DLGAP2: variants seen among roughly 807,000 people sequenced by gnomAD.
DLGAP2 encodes DLG associated protein 2, also known as disks large-associated protein 2.
DLGAP2 carries 26 observed loss-of-function variants against 100.3 expected under a neutral mutation model. The observed-to-expected ratio is 0.26, with a 90% CI of 0.19 to 0.36. The LOEUF is 0.36. Ranked by LOEUF, DLGAP2 falls within the 10% of genes least tolerant of loss-of-function variation. The pLI is 1.00. For synonymous variants in DLGAP2, 886 were observed against 630.1 expected (o/e 1.41, Z -6.08); for missense variants, 1,858 against 1,453.2 (o/e 1.28, Z -4.53).
chr8:1,563,922 G>T (rs139095560), intron 5 of DLGAP2, among the ~76,000 whole-genome samples: 14 of 152,216 alleles, frequency 9.2e-5, no homozygotes, highest in Non-Finnish European at 1.9e-4. Context: ...CAGTAGCTAA[G>T]TATTTTACAG....
chr8:876,056 C>T (rs151315972), intron 1 of DLGAP2, among the ~76,000 whole-genome samples: 2 of 152,136 alleles, frequency 1.3e-5, no homozygotes, highest in Non-Finnish European at 2.9e-5. Context: ...TCCACTAACC[C>T]TCTTCGTGCT....
chr8:1,013,557 G>A (rs993348483), intron 2 of DLGAP2, among the ~76,000 whole-genome samples: 13 of 152,158 alleles, frequency 8.5e-5, no homozygotes, highest in Non-Finnish European at 1.6e-4. Context: ...GAGGTCTCCA[G>A]ACAGCACTAG....
At chr8:1,115,766 C>A (rs1465486609) in intron 2 of DLGAP2, among the ~76,000 whole-genome samples, 2 of 152,182 alleles carry the variant, frequency 1.3e-5, no homozygotes, top group Admixed American at 6.5e-5. Flanking sequence ...CATCAGCGGT[C>A]AGCCACACTC....
At chr8:1,039,876 GCA>G (rs2129030036) in intron 2 of DLGAP2, among the ~76,000 whole-genome samples, 1 of 145,344 alleles carries the variant, frequency 6.9e-6, no homozygotes. Flanking sequence ...GGCTCATTGT[GCA>G]TGGTCGGCTC....
Position 1,040,248 on chromosome 8 carries a change from C to A in DLGAP2, c.73+132282C>A, listed in dbSNP as rs371469139. Among the ~76,000 whole-genome samples the A allele has an allele frequency of 5.5e-4, 76 of 138,340 alleles. 1 individual carries two copies. Among genetic ancestry groups the A allele is most frequent in the African/African-American group, 1.9e-3 (75 of 38,978 alleles). The allele number at this position is 138,340 out of a possible 152,430, so 90.8% of individuals were successfully genotyped here. The stretch of plus-strand genomic sequence containing the variant: ...GTCGGCTCGGTTTCTGTGGTCAGCT[C>A]GGTTTCCATGGTCAGCTCGGTGTGC... On this transcript the variant is annotated intron_variant, in intron 2 of 14. Coordinates refer to ENST00000637795, the MANE Select transcript of DLGAP2 (RefSeq NM_001346810.2).
In DLGAP2 at chr8:993,675, G is replaced by A. The variant is rs906214741; in HGVS notation, c.73+85709G>A. Among the ~76,000 whole-genome samples, 3 of 152,076 alleles carry A rather than the reference G, an allele frequency of 2.0e-5. No individual in the cohort carries two copies. The South Asian group carries it at 6.2e-4, about 32-fold the overall frequency. ...TGGGCGATTCTGCCATTTAGCCTGA[G>A]AGGACGTCAGTACACTCGTGCCTCT... On this transcript the variant is annotated intron_variant, in intron 2 of 14. Transcript: ENST00000637795.
chr8:981,225 A>G (rs1321880312), intron 2 of DLGAP2, among the ~76,000 whole-genome samples: 2 of 152,108 alleles, frequency 1.3e-5, no homozygotes, highest in South Asian at 4.1e-4. Flanking sequence ...TCCAAGGCTC[A>G]TCTGGGTTGT....
At chr8:738,009 C>G in intron 1 of DLGAP2, 184 bp downstream of exon 1, 1 of 317,934 alleles carries the variant, frequency 3.1e-6, no homozygotes, top group Non-Finnish European at 5.7e-6. Flanking sequence ...ACAGCCTGTG[C>G]TCGGGGGTCG....
intron 4 of DLGAP2, among the ~76,000 whole-genome samples, chr8:1,537,311 G>A (rs1009704033): frequency 6.6e-6 from 1 of 152,200 alleles, no homozygotes. Context: ...AGTTGTGTGT[G>A]CCTGTGTGTG....
intron 3 of DLGAP2, among the ~76,000 whole-genome samples, chr8:1,344,895 A>C (rs10093402): frequency 0.42 from 63,747 of 152,012 alleles, 14,231 homozygotes; most frequent in East Asian, 0.62. Context: ...TCCTGGACCG[A>C]AATATTCCAC....
At chr8:1,616,673 A>G (rs554637043) in intron 6 of DLGAP2, among the ~76,000 whole-genome samples, 1 of 152,346 alleles carries the variant, frequency 6.6e-6, no homozygotes, top group East Asian at 1.9e-4. Context: ...CAAAATAAAG[A>G]CTTTTCAAAC....
At chr8:1,326,644 C>T (rs117783437) in intron 3 of DLGAP2, among the ~76,000 whole-genome samples, 241 of 152,318 alleles carry the variant, frequency 1.6e-3, no homozygotes, top group Admixed American at 2.8e-3. Flanking sequence ...CAGGACACGG[C>T]GAGCTCTTAG....
chr8:1,558,440 G>T (rs1318063043), intron 5 of DLGAP2, among the ~76,000 whole-genome samples: 1 of 152,178 alleles, frequency 6.6e-6, no homozygotes, highest in Non-Finnish European at 1.5e-5. Context: ...GGAAGCGTGG[G>T]CAGGAGCCTT....
chr8:1,311,862 T>C (rs1800621928), intron 3 of DLGAP2, among the ~76,000 whole-genome samples: 1 of 152,218 alleles, frequency 6.6e-6, no homozygotes, highest in Non-Finnish European at 1.5e-5. Flanking sequence ...CAATCCTTAA[T>C]GTATATGCAC....
intron 3 of DLGAP2, among the ~76,000 whole-genome samples, chr8:1,424,169 C>G (rs1456870242): frequency 1.3e-5 from 2 of 152,240 alleles, no homozygotes; most frequent in Admixed American, 6.5e-5. Flanking sequence ...AGCTATTTCT[C>G]TCTTTCACGC....
chr8:960,704 A>G (rs1799705413), intron 2 of DLGAP2, among the ~76,000 whole-genome samples: 1 of 152,248 alleles, frequency 6.6e-6, no homozygotes, highest in African/African-American at 2.4e-5. Context: ...TAATTTACAG[A>G]TGCTCCTCGA....
intron 10 of DLGAP2, among the ~76,000 whole-genome samples, chr8:1,671,504 G>A (rs1798689147): frequency 6.6e-6 from 1 of 152,242 alleles, no homozygotes; most frequent in African/African-American, 2.4e-5. Flanking sequence ...GGCTCATGGA[G>A]AGACAGCTCC....
chr8:809,756 C>T (rs375503325), intron 1 of DLGAP2, among the ~76,000 whole-genome samples: 18 of 152,118 alleles, frequency 1.2e-4, no homozygotes, highest in Admixed American at 4.6e-4. Flanking sequence ...GGAGAGAGAG[C>T]GTGACCAGAG....
chr8:1,449,606 T>A (rs1798081379), intron 3 of DLGAP2, among the ~76,000 whole-genome samples: 3 of 152,200 alleles, frequency 2.0e-5, no homozygotes, highest in Admixed American at 2.0e-4. Context: ...CCTGGCACTC[T>A]GCATTCTGAA....
Sources: allele counts gnomAD v4.1 joint callset (sites outside exome capture counted in the v4.1 genomes callset), GRCh38; gene constraint gnomAD v4.1.1; transcripts MANE v1.5; gene names NCBI Gene and HGNC (gene_info 2026-07-23, HGNC 2026-07-21).